ABCB1: variants seen among roughly 807,000 people sequenced by gnomAD.
The protein encoded by ABCB1 is ATP-dependent translocase ABCB1.
Under a neutral mutation model 142.0 loss-of-function variants are expected in ABCB1, and 69 were observed. The ratio of observed to expected loss-of-function variants is 0.49; its 90% CI spans 0.40 to 0.59. The LOEUF is 0.59. ABCB1 is among the 20% of genes least tolerant of loss of function. The pLI is 0.00. For synonymous variants in ABCB1, 532 were observed against 539.2 expected, an observed-to-expected ratio of 0.99 and a Z score of 0.18; for missense variants, 1,326 against 1,554.7, an observed-to-expected ratio of 0.85 and a Z score of 2.47.
At chr7:87,702,020 G>C (rs1829090203) in intron 1 of ABCB1, among the ~76,000 whole-genome samples, 6 of 151,546 alleles carry the variant, frequency 4.0e-5, no homozygotes, top group Admixed American at 3.9e-4. Context: ...GTGGGCACCT[G>C]TAATCCCAGC....
rs1304202733 is a variant in ABCB1, at chr7:87,516,366, C to T, written c.3084+143G>A. 8 of 1,000,130 alleles carry T rather than the reference C, an allele frequency of 8.0e-6. No individual in the cohort carries two copies. The African/African-American group carries it at 1.3e-4, about 16-fold the overall frequency. The allele number at this position is 1,000,130 out of a possible 1,614,324, so 62.0% of individuals were successfully genotyped here. A position where few individuals can be genotyped will look rare whatever the true frequency, so the allele number is the denominator to read the frequency against. ...ACTGAATGTTGATGTATATTATTAG[C>T]AGTAATTGAAAGGAATCTATGATCT... On this transcript the variant is annotated intron_variant, in intron 24 of 27. Coordinates refer to ENST00000622132, the MANE Select transcript of ABCB1 (RefSeq NM_001348946.2).
At chr7:87,578,922 TGA>T (rs1251757531) in intron 4 of ABCB1, among the ~76,000 whole-genome samples, 1 of 151,962 alleles carries the variant, frequency 6.6e-6, no homozygotes, top group Non-Finnish European at 1.5e-5. Flanking sequence ...CTCGATCTCC[TGA>T]CCTCGTGATC....
intron 9 of ABCB1, among the ~76,000 whole-genome samples, chr7:87,552,647 T>TAAA (rs74990983): frequency 9.3e-6 from 1 of 107,792 alleles, no homozygotes; most frequent in East Asian, 2.5e-4. Context: ...ATCACTATAC[T>TAAA]AAAAAAAAAA....
intron 1 of ABCB1, among the ~76,000 whole-genome samples, chr7:87,615,965 T>C (rs1211163486): frequency 6.6e-6 from 1 of 152,230 alleles, no homozygotes. Flanking sequence ...GAGGAGAGCA[T>C]AACAAGCTCA....
At chr7:87,599,612 G>A (rs1819359082) in intron 2 of ABCB1, among the ~76,000 whole-genome samples, 1 of 152,124 alleles carries the variant, frequency 6.6e-6, no homozygotes, top group South Asian at 2.1e-4. Context: ...AGGCCGGGAA[G>A]GGTAAAAAGG....
rs1814590284 is a variant in ABCB1, at chr7:87,503,758, A to G, written c.*485T>C. 5.0e-6 allele frequency: 1 copy of G among 199,104 alleles called. No homozygotes were observed. The highest frequency in any genetic ancestry group is 2.4e-5 in the African/African-American group (1 of 42,026). 12.3% of individuals were successfully genotyped at this position (199,104 alleles called of 1,614,324 possible). The stretch of plus-strand genomic sequence containing the variant: ...AAACTGCTTAACCATTCCCACAAAA[A>G]TGAGTAGGTATATTTAAAGAAAACT... On this transcript the variant is annotated 3_prime_UTR_variant, in exon 28 of 28. Transcript: ENST00000622132.
At chr7:87,626,287 C>CGT (rs1820513033) in intron 1 of ABCB1, among the ~76,000 whole-genome samples, 1 of 56,286 alleles carries the variant, frequency 1.8e-5, no homozygotes, top group Non-Finnish European at 3.0e-5. Flanking sequence ...ATATATGTGT[C>CGT]ATATATGTGT....
intron 1 of ABCB1, among the ~76,000 whole-genome samples, chr7:87,632,153 T>C (rs1339282049): frequency 6.6e-6 from 1 of 152,060 alleles, no homozygotes; most frequent in African/African-American, 2.4e-5. Flanking sequence ...TTCTAGTGTA[T>C]CCACTTATAC....
Position 87,570,349 on chromosome 7 carries a change from T to A in ABCB1, c.287-126A>T, listed in dbSNP as rs559900836. 3.2e-6 allele frequency: 3 copies of A among 945,426 alleles called. No individual in the cohort carries two copies. In the Admixed American group the frequency reaches 5.2e-5, roughly 16 times the overall value. 58.6% of individuals were successfully genotyped at this position (945,426 alleles called of 1,614,324 possible). On this transcript the variant is annotated intron_variant, in intron 4 of 27. Transcript: ENST00000622132. Reference sequence around the variant, plus strand: ...ATAAAAATAGGTCGAACTGACTCAGTTTTAATTGTGTGTAAGCATTATGGC... The same window carrying A: ...ATAAAAATAGGTCGAACTGACTCAGATTTAATTGTGTGTAAGCATTATGGC...
intron 1 of ABCB1, among the ~76,000 whole-genome samples, chr7:87,635,281 T>G (rs1821650807): frequency 6.6e-6 from 1 of 152,194 alleles, no homozygotes; most frequent in South Asian, 2.1e-4. Context: ...ATTGGAAAGA[T>G]TCCATCAGTC....
chr7:87,687,949 C>T (rs536244162), intron 1 of ABCB1, among the ~76,000 whole-genome samples: 70 of 152,206 alleles, frequency 4.6e-4, no homozygotes, highest in African/African-American at 1.7e-3. Context: ...TGAAGATTTT[C>T]CAACTTTTGT....
chr7:87,558,025 G>T (rs925061517), intron 8 of ABCB1, among the ~76,000 whole-genome samples: 1 of 152,114 alleles, frequency 6.6e-6, no homozygotes, highest in African/African-American at 2.4e-5. Flanking sequence ...CTCAGTCTTG[G>T]CACCAACCAG....
In ABCB1 at chr7:87,515,333, C is replaced by T. The variant is rs916927363; in HGVS notation, c.3180G>A (p.Val1060=). 2.5e-6 allele frequency: 4 copies of T among 1,614,156 alleles called. No homozygotes were observed. In the Admixed American group the frequency reaches 6.7e-5, roughly 27 times the overall value. ...IPVLQGLSLE[V]KKGQTLALVG... ...CCAGAGCCAGCGTCTGGCCCTTCTT[C>T]ACCTCCAGGCTCAGTCCCTGAAGCA... Residue 1060 remains valine, a synonymous_variant, in exon 25 of 28, where the codon GTG becomes GTA. Coordinates refer to ENST00000622132, the MANE Select transcript of ABCB1 (RefSeq NM_001348946.2).
intron 1 of ABCB1, among the ~76,000 whole-genome samples, chr7:87,638,162 AC>A (rs879654978): frequency 2.0e-5 from 3 of 152,156 alleles, no homozygotes; most frequent in Non-Finnish European, 2.9e-5. Context: ...GAATAAAAAA[AC>A]AATCAGTTGT....
intron 1 of ABCB1, among the ~76,000 whole-genome samples, chr7:87,680,340 G>A (rs540288783): frequency 2.7e-5 from 4 of 150,788 alleles, no homozygotes; most frequent in Non-Finnish European, 4.4e-5. Context: ...AGGGATTCTC[G>A]AGGAAAATTA....
intron 1 of ABCB1, chr7:87,628,868 TGGCGGCGGA>T (rs768217130): frequency 2.3e-6 from 3 of 1,282,430 alleles, no homozygotes; most frequent in South Asian, 3.7e-5. Flanking sequence ...TCCGCGGCGG[TGGCGGCGGA>T]GGCGGCAAGA....
intron 1 of ABCB1, among the ~76,000 whole-genome samples, chr7:87,658,263 G>A (rs960718540): frequency 6.6e-6 from 1 of 152,178 alleles, no homozygotes; most frequent in Admixed American, 6.5e-5. Context: ...AAAAAGTTCA[G>A]TGGATGGACC....
intron 1 of ABCB1, chr7:87,709,258 T>C (rs968576966): frequency 6.4e-5 from 63 of 985,302 alleles, no homozygotes; most frequent in Non-Finnish European, 7.6e-5. Context: ...CTGTGCTGAA[T>C]TGTCTCTGGA....
At chr7:87,565,110 C>T (rs541298249) in intron 7 of ABCB1, among the ~76,000 whole-genome samples, 2 of 152,124 alleles carry the variant, frequency 1.3e-5, no homozygotes, top group African/African-American at 4.8e-5. Flanking sequence ...CAGGCATTTG[C>T]GTGACAATAA....
Sources: gnomAD v4.1 joint callset for allele counts (sites outside exome capture counted in the v4.1 genomes callset) on GRCh38, gnomAD v4.1.1 for gene constraint, MANE v1.5 for transcripts, NCBI Gene and HGNC (gene_info 2026-07-23, HGNC 2026-07-21) for gene names.